Variants in PTPRG observed in about 807,000 individuals in gnomAD.
PTPRG encodes the protein protein tyrosine phosphatase receptor type G.
In PTPRG, 102 loss-of-function variants were observed where a neutral mutation model predicts 165.3. The ratio of observed to expected loss-of-function variants is 0.62; its 90% CI spans 0.53 to 0.73. PTPRG has a LOEUF of 0.73. PTPRG is among the 30% of genes least tolerant of loss of function. The pLI is 0.00. For synonymous variants in PTPRG, 675 were observed against 669.5 expected (o/e 1.01, Z -0.13); for missense variants, 1,866 against 1,861.4 (o/e 1.00, Z -0.05).
At position 62,264,879 on chromosome 3, in the gene PTPRG, A is replaced by G. The variant is rs1245876914; in HGVS notation, c.2656+1985A>G. On this transcript the variant is annotated intron_variant, in intron 17 of 29. Coordinates refer to ENST00000474889, the MANE Select transcript of PTPRG (RefSeq NM_002841.4). ...TTGAGGAACTATCAAACTCTTTTCC[A>G]AAGTGGCTATTCATTTTACGTTCCC... Among the ~76,000 whole-genome samples, 3 of 152,144 alleles carry G rather than the reference A, an allele frequency of 2.0e-5. No individual in the cohort carries two copies. The East Asian group carries it at 5.8e-4, about 29-fold the overall frequency.
intron 5 of PTPRG, 86 bp downstream of exon 5, chr3:62,078,344 A>G (rs898381271): frequency 8.1e-6 from 7 of 867,804 alleles, no homozygotes; most frequent in South Asian, 1.7e-5. Context: ...TAATGAATGC[A>G]TCTGTTTTCT....
chr3:61,853,821 C>G (rs1199021685), intron 2 of PTPRG, among the ~76,000 whole-genome samples: 1 of 152,160 alleles, frequency 6.6e-6, no homozygotes, highest in African/African-American at 2.4e-5. Context: ...TTGATGTGTT[C>G]TGGGGTGAGC....
At chr3:62,005,444 A>G (rs561530008) in intron 4 of PTPRG, among the ~76,000 whole-genome samples, 1 of 152,292 alleles carries the variant, frequency 6.6e-6, no homozygotes, top group Admixed American at 6.5e-5. Flanking sequence ...TGTGTCCAGC[A>G]AGCCTTGCTC....
rs2040536291 is a variant in PTPRG at position 61,977,427 on chromosome 3, G to A, written c.191-12198G>A. ...AGTATTACATGTATTTTCAAAATAA[G>A]TATCTCCCTGGATCATGCATGTGTT... On this transcript the variant is annotated intron_variant, in intron 2 of 29. Transcript: ENST00000474889. Among the ~76,000 whole-genome samples the A allele has an allele frequency of 1.3e-5, 2 of 152,236 alleles. 1 individual carries two copies. The highest frequency in any genetic ancestry group is 4.1e-4 in the South Asian group (2 of 4,822).
intron 8 of PTPRG, among the ~76,000 whole-genome samples, chr3:62,170,189 ATATCT>A (rs1424368156): frequency 6.6e-6 from 1 of 152,090 alleles, no homozygotes; most frequent in Non-Finnish European, 1.5e-5. Flanking sequence ...AACCTGTGAA[ATATCT>A]TAGGTTGGGC....
chr3:61,709,021 G>C (rs2031414302), intron 1 of PTPRG, among the ~76,000 whole-genome samples: 1 of 152,256 alleles, frequency 6.6e-6, no homozygotes, highest in African/African-American at 2.4e-5. Context: ...AATGCAGCTA[G>C]CTGCAGGTAT....
chr3:61,719,252 A>G (rs574745465), intron 1 of PTPRG, among the ~76,000 whole-genome samples: 1 of 152,234 alleles, frequency 6.6e-6, no homozygotes, highest in Non-Finnish European at 1.5e-5. Context: ...TGTATTTTCT[A>G]TGAAGATGTA....
chr3:61,674,204 G>C (rs1703137787), intron 1 of PTPRG, among the ~76,000 whole-genome samples: 1 of 151,584 alleles, frequency 6.6e-6, no homozygotes, highest in African/African-American at 2.4e-5. Flanking sequence ...AAGAAACATG[G>C]CTTTGCATGA....
At chr3:62,179,318 A>G (rs1184550934) in intron 8 of PTPRG, among the ~76,000 whole-genome samples, 2 of 152,000 alleles carry the variant, frequency 1.3e-5, no homozygotes, top group Non-Finnish European at 2.9e-5. Context: ...CTCCTGGGCA[A>G]CTCTCTTGAC....
intron 5 of PTPRG, among the ~76,000 whole-genome samples, chr3:62,101,434 C>A (rs780700590): frequency 6.6e-6 from 1 of 152,178 alleles, no homozygotes; most frequent in Non-Finnish European, 1.5e-5. Flanking sequence ...ACTGATTGTT[C>A]ATTTCAACTT....
chr3:61,564,290 G>A (rs914457269), intron 1 of PTPRG, among the ~76,000 whole-genome samples: 9 of 152,182 alleles, frequency 5.9e-5, no homozygotes, highest in Non-Finnish European at 1.2e-4. Flanking sequence ...TGGGTGCAGT[G>A]GGAGGTCGTG....
chr3:62,080,129 A>G (rs1701518496), intron 5 of PTPRG, among the ~76,000 whole-genome samples: 2 of 140,006 alleles, frequency 1.4e-5, no homozygotes, highest in African/African-American at 5.6e-5. Flanking sequence ...GTGCAGTGGC[A>G]CTATCTCAGC....
chr3:61,985,193 A>G (rs1369853743), intron 2 of PTPRG, among the ~76,000 whole-genome samples: 1 of 152,240 alleles, frequency 6.6e-6, no homozygotes, highest in Non-Finnish European at 1.5e-5. Context: ...CAAATGGGAA[A>G]TGCCTGAGTA....
chr3:61,807,925 A>C (rs543334806), intron 2 of PTPRG, among the ~76,000 whole-genome samples: 1 of 152,282 alleles, frequency 6.6e-6, no homozygotes, highest in South Asian at 2.1e-4. Flanking sequence ...ACTCTGACAT[A>C]TGGTTCAACA....
chr3:61,854,859 G>A (rs2037057554), intron 2 of PTPRG, among the ~76,000 whole-genome samples: 1 of 152,124 alleles, frequency 6.6e-6, no homozygotes, highest in Non-Finnish European at 1.5e-5. Flanking sequence ...TTATATTGCT[G>A]GCTTATTAAT....
At chr3:61,789,161 A>G (rs765579934) in intron 2 of PTPRG, among the ~76,000 whole-genome samples, 3 of 152,034 alleles carry the variant, frequency 2.0e-5, no homozygotes, top group Non-Finnish European at 2.9e-5. Context: ...ATGCAGTAGC[A>G]GGATCTCAGC....
chr3:62,002,140 G>T (rs144774280), intron 3 of PTPRG, among the ~76,000 whole-genome samples: 3 of 152,186 alleles, frequency 2.0e-5, no homozygotes, highest in Non-Finnish European at 2.9e-5. Context: ...ATATGAGAAG[G>T]TTCCTTCACT....
chr3:62,027,517 C>T (rs141915949), intron 4 of PTPRG, among the ~76,000 whole-genome samples: 1,698 of 152,316 alleles, frequency 0.011, 30 homozygotes, highest in African/African-American at 0.038. Flanking sequence ...GAGATCCTGG[C>T]TGAAAGCAAG....
At chr3:61,568,924 A>G (rs1012093825) in intron 1 of PTPRG, among the ~76,000 whole-genome samples, 8 of 148,726 alleles carry the variant, frequency 5.4e-5, no homozygotes, top group Admixed American at 2.0e-4. Context: ...AAAAAAAAAG[A>G]TTCGTTTTAA....
Sources: allele counts gnomAD v4.1 joint callset (sites outside exome capture counted in the v4.1 genomes callset), GRCh38; gene constraint gnomAD v4.1.1; transcripts MANE v1.5; gene names NCBI Gene and HGNC (gene_info 2026-07-23, HGNC 2026-07-21).